Variants in IMMP2L observed in about 807,000 individuals in gnomAD.
The protein encoded by IMMP2L is mitochondrial inner membrane protease subunit 2.
Under a neutral mutation model 19.3 loss-of-function variants are expected in IMMP2L, and 18 were observed. That is an observed-to-expected ratio of 0.93 (90% CI 0.64 to 1.38). IMMP2L has a LOEUF of 1.38. Among genes scored for constraint, IMMP2L ranks in the 40% most tolerant of loss-of-function variants. The pLI, the probability that IMMP2L is intolerant of heterozygous loss-of-function variation, is 0.00. For missense variants in IMMP2L, 233 were observed against 218.2 expected (o/e 1.07, Z -0.43); for synonymous variants, 76 against 73.0 (o/e 1.04, Z -0.21).
chr7:110,984,434 C>T (rs1172121865), intron 3 of IMMP2L, among the ~76,000 whole-genome samples: 1 of 151,926 alleles, frequency 6.6e-6, no homozygotes, highest in Non-Finnish European at 1.5e-5. Context: ...GCTTTAGATT[C>T]AGTCTCAAAA....
intron 3 of IMMP2L, among the ~76,000 whole-genome samples, chr7:111,023,569 G>T (rs1015415309): frequency 4.0e-5 from 6 of 151,680 alleles, no homozygotes; most frequent in African/African-American, 1.5e-4. Context: ...AATTAGCCAG[G>T]TGTGGTAGCA....
At chr7:110,687,475 TAAAC>T (rs1370653788) in intron 5 of IMMP2L, among the ~76,000 whole-genome samples, 1 of 152,076 alleles carries the variant, frequency 6.6e-6, no homozygotes, top group African/African-American at 2.4e-5. Flanking sequence ...ACTTTATTCA[TAAAC>T]AAATAAAAGG....
intron 3 of IMMP2L, among the ~76,000 whole-genome samples, chr7:111,127,079 A>C (rs2129591866): frequency 6.6e-6 from 1 of 152,336 alleles, no homozygotes; most frequent in Non-Finnish European, 1.5e-5. Context: ...AGTTGATTTT[A>C]ACACAACCAA....
chr7:110,944,503 G>A lies in IMMP2L; in HGVS notation c.305+18997C>T, dbSNP rs536200024. ...TGTGTGCGCGTGTGTGTGTAAAACA[G>A]AGAGAGACAGAGAGAGAATGAGAAT... On this transcript the variant is annotated intron_variant, in intron 4 of 5. Transcript: ENST00000405709. Among the ~76,000 whole-genome samples the A allele has an allele frequency of 4.7e-5, 7 of 147,984 alleles. No homozygotes were observed. In the South Asian group the frequency reaches 8.5e-4, roughly 18 times the overall value.
Position 111,076,816 on chromosome 7 carries a change from C to T in IMMP2L, c.240-113251G>A, listed in dbSNP as rs143694049. Among the ~76,000 whole-genome samples, 327 of 152,344 alleles carry T rather than the reference C, an allele frequency of 2.1e-3. 2 individuals are homozygous for T. The highest frequency in any genetic ancestry group is 7.4e-3 in the African/African-American group (307 of 41,578). On this transcript the variant is annotated intron_variant, in intron 3 of 5. Coordinates refer to ENST00000405709, the MANE Select transcript of IMMP2L (RefSeq NM_032549.4). ...TCTCCAAGCTAAAGCCACAAGGGTACGTCAGAATACACCTCTCTAACTACC... is the reference window on the plus strand; with the variant it reads ...TCTCCAAGCTAAAGCCACAAGGGTATGTCAGAATACACCTCTCTAACTACC...
chr7:111,217,116 T>TCACA, intron 3 of IMMP2L, among the ~76,000 whole-genome samples: 1 of 145,078 alleles, frequency 6.9e-6, no homozygotes, highest in African/African-American at 2.8e-5. Context: ...TCTCTCTCTC[T>TCACA]CTCTCTCTCT....
chr7:111,479,303 T>TG (rs1841979948), intron 3 of IMMP2L, among the ~76,000 whole-genome samples: 1 of 152,088 alleles, frequency 6.6e-6, no homozygotes, highest in African/African-American at 2.4e-5. Flanking sequence ...CTCTTGGTAG[T>TG]GCTCCAATGC....
chr7:111,046,953 C>T (rs1390783932), intron 3 of IMMP2L, among the ~76,000 whole-genome samples: 1 of 152,026 alleles, frequency 6.6e-6, no homozygotes, highest in African/African-American at 2.4e-5. Flanking sequence ...AAAATAAAAA[C>T]CAGGGCCCAT....
intron 3 of IMMP2L, among the ~76,000 whole-genome samples, chr7:111,130,918 G>A (rs1272679066): frequency 6.6e-6 from 1 of 151,806 alleles, no homozygotes; most frequent in East Asian, 1.9e-4. Context: ...CAACTTTAAA[G>A]CTCTTACCTT....
chr7:111,527,007 C>T (rs1846931877), intron 1 of IMMP2L, among the ~76,000 whole-genome samples: 1 of 152,078 alleles, frequency 6.6e-6, no homozygotes, highest in Non-Finnish European at 1.5e-5. Context: ...TCCAGTAATG[C>T]TCTCCTACAT....
intron 3 of IMMP2L, among the ~76,000 whole-genome samples, chr7:111,021,410 G>T (rs868091821): frequency 6.6e-6 from 1 of 152,132 alleles, no homozygotes; most frequent in Non-Finnish European, 1.5e-5. Flanking sequence ...CTGTTCTCAC[G>T]CTGCTAATAA....
chr7:111,198,994 C>T (rs561786947), intron 3 of IMMP2L, among the ~76,000 whole-genome samples: 5 of 152,276 alleles, frequency 3.3e-5, no homozygotes, highest in Admixed American at 3.3e-4. Context: ...TGTCCTCCCT[C>T]AATATGGACT....
chr7:111,395,408 ACT>A (rs891339387), intron 3 of IMMP2L, among the ~76,000 whole-genome samples: 2 of 152,230 alleles, frequency 1.3e-5, no homozygotes, highest in African/African-American at 2.4e-5. Flanking sequence ...TCCACACATT[ACT>A]ACATGAACTC....
chr7:111,328,039 T>A (rs1825502078), intron 3 of IMMP2L, among the ~76,000 whole-genome samples: 2 of 151,694 alleles, frequency 1.3e-5, no homozygotes, highest in African/African-American at 4.8e-5. Context: ...ATCATTAAAC[T>A]AAAAAATATT....
intron 3 of IMMP2L, among the ~76,000 whole-genome samples, chr7:111,333,632 G>A (rs1383898133): frequency 6.6e-6 from 1 of 152,068 alleles, no homozygotes; most frequent in African/African-American, 2.4e-5. Flanking sequence ...AGAGACAAAG[G>A]AGAGACAGAC....
At chr7:110,798,590 C>A (rs1244604331) in intron 5 of IMMP2L, among the ~76,000 whole-genome samples, 1 of 151,774 alleles carries the variant, frequency 6.6e-6, no homozygotes, top group African/African-American at 2.4e-5. Context: ...AACGTTATAC[C>A]AATTTGTAAT....
In IMMP2L at chr7:111,381,578, G is replaced by A. The variant is rs577795134; in HGVS notation, c.239+105660C>T. On this transcript the variant is annotated intron_variant, in intron 3 of 5. Coordinates refer to ENST00000405709, the MANE Select transcript of IMMP2L (RefSeq NM_032549.4). Reference sequence around the variant, plus strand: ...TACTTGTATAGATGAAAAACTGTGAGGAGGAAAATACACTAACAATGATGA... The same window carrying A: ...TACTTGTATAGATGAAAAACTGTGAAGAGGAAAATACACTAACAATGATGA... 4.6e-5 allele frequency among the ~76,000 whole-genome samples: 7 copies of A among 152,034 alleles called. No individual in the cohort carries two copies. The South Asian group carries it at 1.5e-3, about 32-fold the overall frequency.
intron 5 of IMMP2L, among the ~76,000 whole-genome samples, chr7:110,791,696 C>G (rs1800469775): frequency 6.6e-6 from 1 of 151,746 alleles, no homozygotes; most frequent in Non-Finnish European, 1.5e-5. Context: ...AGTAAGCCCC[C>G]TAATACCTTC....
intron 3 of IMMP2L, among the ~76,000 whole-genome samples, chr7:111,080,429 C>CATGTATATTCTTATATACATAAATAT (rs1795790247): frequency 1.3e-5 from 2 of 151,266 alleles, no homozygotes; most frequent in Non-Finnish European, 2.9e-5. Context: ...CTTATATACA[C>CATGTATATTCTTATATACATAAATAT]ATGTATATTC....
Sources: gnomAD v4.1 joint callset for allele counts (sites outside exome capture counted in the v4.1 genomes callset) on GRCh38, gnomAD v4.1.1 for gene constraint, MANE v1.5 for transcripts, NCBI Gene and HGNC (gene_info 2026-07-23, HGNC 2026-07-21) for gene names.